Variants in DNAJC27 observed in about 807,000 individuals in gnomAD.
DNAJC27 encodes the protein dnaJ homolog subfamily C member 27.
A neutral mutation model predicts 31.4 loss-of-function variants in DNAJC27; 25 were observed. The observed-to-expected ratio is 0.80, with a 90% CI of 0.58 to 1.11. The LOEUF is 1.11. Ranked by LOEUF, DNAJC27 falls within the 50% of genes most tolerant of loss-of-function variation. DNAJC27 has a pLI of 0.00. For synonymous variants in DNAJC27, 106 were observed against 112.7 expected, an observed-to-expected ratio of 0.94 and a Z score of 0.37; for missense variants, 356 against 347.3, an observed-to-expected ratio of 1.02 and a Z score of -0.20.
chr2:24,951,731 T>G lies in DNAJC27; in HGVS notation c.529-177A>C, dbSNP rs1257957702. ...TATACTATTTAAATATATATATTCA[T>G]ATATTTTAATACACAAAAAGTATAA... On this transcript the variant is annotated intron_variant, in intron 5 of 6. Transcript: ENST00000264711. Among the ~76,000 whole-genome samples the G allele has an allele frequency of 4.6e-5, 7 of 152,024 alleles. 1 individual carries two copies. Among genetic ancestry groups the G allele is most frequent in the Admixed American group, 4.6e-4 (7 of 15,250 alleles).
At chr2:24,962,708 G>C (rs537787196) in intron 3 of DNAJC27, among the ~76,000 whole-genome samples, 3 of 152,248 alleles carry the variant, frequency 2.0e-5, no homozygotes, top group Admixed American at 6.5e-5. Flanking sequence ...AGCATTAAAT[G>C]AATTTATTAA....
intron 3 of DNAJC27, among the ~76,000 whole-genome samples, chr2:24,959,260 T>C (rs1272470755): frequency 2.0e-5 from 3 of 152,166 alleles, no homozygotes; most frequent in Non-Finnish European, 4.4e-5. Context: ...CCCTTCTCTC[T>C]ATTGCTCCCA....
At chr2:24,969,774 C>T (rs570281716) in intron 1 of DNAJC27, among the ~76,000 whole-genome samples, 31 of 152,326 alleles carry the variant, frequency 2.0e-4, no homozygotes, top group African/African-American at 7.5e-4. Context: ...CCACTGCGCC[C>T]GGCCTGAAAA....
At chr2:24,955,682 T>A (rs962409432) in intron 5 of DNAJC27, among the ~76,000 whole-genome samples, 3 of 151,790 alleles carry the variant, frequency 2.0e-5, no homozygotes, top group African/African-American at 7.3e-5. Context: ...AGCCAGGGGG[T>A]AAAAAGGGCA....
intron 3 of DNAJC27, among the ~76,000 whole-genome samples, chr2:24,960,200 CT>C (rs1233138286): frequency 6.6e-6 from 1 of 152,108 alleles, no homozygotes; most frequent in Admixed American, 6.5e-5. Context: ...ATTATTATGT[CT>C]GTTACGATCA....
intron 3 of DNAJC27, among the ~76,000 whole-genome samples, chr2:24,961,504 G>A (rs1223519093): frequency 6.6e-6 from 1 of 152,006 alleles, no homozygotes; most frequent in African/African-American, 2.4e-5. Flanking sequence ...CTGCCATAGT[G>A]ATTACTCTAG....
intron 6 of DNAJC27, 132 bp from the exon 7 acceptor site, chr2:24,947,880 T>G: frequency 9.4e-7 from 1 of 1,064,134 alleles, no homozygotes; most frequent in Non-Finnish European, 1.3e-6. Flanking sequence ...AAAGGCAGGA[T>G]TAAAGGACTA....
intron 1 of DNAJC27, 147 bp from the exon 2 acceptor site, chr2:24,967,440 C>T (rs954477979): frequency 4.7e-6 from 3 of 636,792 alleles, no homozygotes; most frequent in South Asian, 4.0e-5. Context: ...GTGGCTCACG[C>T]CTGTCATCTC....
intron 1 of DNAJC27, among the ~76,000 whole-genome samples, chr2:24,970,795 C>A (rs1390392324): frequency 6.6e-6 from 1 of 151,762 alleles, no homozygotes; most frequent in Non-Finnish European, 1.5e-5. Context: ...AGCTGACGTT[C>A]AAAAAAATGT....
At chr2:24,957,541 G>C (rs1168217557) in intron 4 of DNAJC27, among the ~76,000 whole-genome samples, 2 of 151,812 alleles carry the variant, frequency 1.3e-5, no homozygotes, top group Non-Finnish European at 2.9e-5. Flanking sequence ...TCGGGTCAGA[G>C]TCTGATTATT....
chr2:24,951,928 G>A (rs1452884904), intron 5 of DNAJC27, among the ~76,000 whole-genome samples: 1 of 152,002 alleles, frequency 6.6e-6, no homozygotes, highest in Non-Finnish European at 1.5e-5. Context: ...GGGCAACATG[G>A]CAAACCCACG....
At position 24,957,153 on chromosome 2, in the gene DNAJC27, T is replaced by C; in HGVS notation, c.418A>G (p.Lys140Glu). Residue 140 changes from lysine (K) to glutamate (E), a missense_variant, in exon 5 of 7, where the codon AAA becomes GAA. By Grantham distance (56) the Lys-to-Glu change is moderately conservative. Transcript: ENST00000264711. ...VVCANKIDCT[K>E]HRCVDESEGR... Reference sequence around the variant, plus strand: ...TCACTTTCATCTACACAGCGATGTTTGGTACAATCAATCTGAAATAGAAGG... The same window carrying C: ...TCACTTTCATCTACACAGCGATGTTCGGTACAATCAATCTGAAATAGAAGG... 6.2e-7 allele frequency: 1 copy of C among 1,600,558 alleles called. No homozygotes were observed. The highest frequency in any genetic ancestry group is 8.5e-7 in the Non-Finnish European group (1 of 1,175,802).
rs776819799 is a variant in DNAJC27 at position 24,951,534 on chromosome 2, A to C, written c.549T>G (p.Val183=). The change falls in exon 6 of 7, where the codon GTT becomes GTG. Residue 183 remains valine (V), a synonymous_variant. Coordinates refer to ENST00000264711, the MANE Select transcript of DNAJC27 (RefSeq NM_016544.3). ...GTTTCCCGCCATTTTCACATAAATC[A>C]ACTATGGATATATAAAAGGTCTACA... ...EMFQTFYISI[V]DLCENGGKRP... 5 of 1,612,850 alleles carry C rather than the reference A, an allele frequency of 3.1e-6. No individual in the cohort carries two copies. Among genetic ancestry groups the C allele is most frequent in the Admixed American group, 1.7e-5 (1 of 59,848 alleles).
chr2:24,961,768 A>T (rs1435293282), intron 3 of DNAJC27, among the ~76,000 whole-genome samples: 1 of 152,192 alleles, frequency 6.6e-6, no homozygotes, highest in Non-Finnish European at 1.5e-5. Flanking sequence ...GTCTCACGAT[A>T]AAAAATAAAT....
intron 2 of DNAJC27, among the ~76,000 whole-genome samples, chr2:24,964,751 C>T (rs1190793113): frequency 1.3e-5 from 2 of 152,142 alleles, no homozygotes; most frequent in South Asian, 4.1e-4. Context: ...GTTGACTATA[C>T]CATGGTCCTT....
chr2:24,958,629 T>C (rs1351651796), intron 3 of DNAJC27: 2 of 348,814 alleles, frequency 5.7e-6, no homozygotes, highest in Admixed American at 5.9e-5. Flanking sequence ...TACTACTTAC[T>C]TCACAGGGTT....
intron 1 of DNAJC27, among the ~76,000 whole-genome samples, chr2:24,967,803 T>A (rs1440782103): frequency 6.6e-6 from 1 of 152,174 alleles, no homozygotes; most frequent in Non-Finnish European, 1.5e-5. Context: ...AATATGCATA[T>A]GTTTTCAGTT....
intron 5 of DNAJC27, among the ~76,000 whole-genome samples, chr2:24,954,562 AAC>A (rs1463990612): frequency 6.6e-6 from 1 of 152,234 alleles, no homozygotes; most frequent in Non-Finnish European, 1.5e-5. Flanking sequence ...AAAACAAGCC[AAC>A]ACAAGTTCAC....
At chr2:24,949,457 T>C (rs962607375) in intron 6 of DNAJC27, among the ~76,000 whole-genome samples, 19 of 152,328 alleles carry the variant, frequency 1.2e-4, no homozygotes, top group African/African-American at 4.6e-4. Context: ...ACTCTCAAGA[T>C]GTAACAAATA....
Sources: gnomAD v4.1 joint callset for allele counts (sites outside exome capture counted in the v4.1 genomes callset) on GRCh38, gnomAD v4.1.1 for gene constraint, MANE v1.5 for transcripts, NCBI Gene and HGNC (gene_info 2026-07-23, HGNC 2026-07-21) for gene names.